The following DRC11 variants were observed in gnomAD, a reference collection of about 807,000 sequenced individuals.
DRC11 encodes the protein dynein regulatory complex subunit 11.
chr2:236,458,283 C>T, the DRC11 span, among the ~76,000 whole-genome samples: 4 of 152,180 alleles, frequency 2.6e-5, no homozygotes, highest in Non-Finnish European at 5.9e-5. Context: ...TCAAATTGTT[C>T]ATCCAGTACA....
At chr2:236,411,416 G>A in the DRC11 span, among the ~76,000 whole-genome samples, 1 of 150,712 alleles carries the variant, frequency 6.6e-6, no homozygotes, top group Non-Finnish European at 1.5e-5. Flanking sequence ...GAGAGGATGT[G>A]GAGAAATAGG....
chr2:236,341,726 C>A, the DRC11 span, among the ~76,000 whole-genome samples: 1 of 152,210 alleles, frequency 6.6e-6, no homozygotes, highest in Non-Finnish European at 1.5e-5. Flanking sequence ...TGGTTTCCCC[C>A]CCATGTCTTC....
chr2:236,400,436 C>T, the DRC11 span, among the ~76,000 whole-genome samples: 5 of 152,236 alleles, frequency 3.3e-5, no homozygotes, highest in Admixed American at 6.5e-5. The surrounding 1 kb of genome is among the most constrained non-coding windows in gnomAD (Gnocchi z 7.9). Flanking sequence ...GCCCCTCTGC[C>T]GCCAGGGTTC....
the DRC11 span, among the ~76,000 whole-genome samples, chr2:236,339,592 G>A: frequency 9.9e-5 from 15 of 152,138 alleles, no homozygotes; most frequent in Non-Finnish European, 1.5e-5. Flanking sequence ...TGTATATGGC[G>A]TGAGGTAAGG....
At chr2:236,470,348 T>C in the DRC11 span, among the ~76,000 whole-genome samples, 2 of 152,114 alleles carry the variant, frequency 1.3e-5, no homozygotes, top group East Asian at 3.9e-4. This position sits in a 1 kb window ranked among gnomAD's most constrained non-coding sequence, Gnocchi z 5.1. Context: ...AGGAGCAGGG[T>C]AGACATCTAT....
At chr2:236,315,087 TAGAC>T in the DRC11 span, among the ~76,000 whole-genome samples, 8 of 152,360 alleles carry the variant, frequency 5.3e-5, no homozygotes, top group Admixed American at 1.3e-4. This position sits in a 1 kb window ranked among gnomAD's most constrained non-coding sequence, Gnocchi z 5.1. Flanking sequence ...GGCAGAATGA[TAGAC>T]AGATGCAGTA....
chr2:236,318,075 C>T, the DRC11 span, among the ~76,000 whole-genome samples: 1 of 152,332 alleles, frequency 6.6e-6, no homozygotes, highest in Middle Eastern at 3.4e-3. This position sits in a 1 kb window ranked among gnomAD's most constrained non-coding sequence, Gnocchi z 7.0. Flanking sequence ...GCGCTTCTGG[C>T]CTGTTGCCAG....
chr2:236,396,063 G>A, the DRC11 span, among the ~76,000 whole-genome samples: 9 of 151,910 alleles, frequency 5.9e-5, no homozygotes, highest in Non-Finnish European at 8.8e-5. Flanking sequence ...CCTCTAGATC[G>A]TTTAAATGGA....
At chr2:236,492,216 G>C in the DRC11 span, among the ~76,000 whole-genome samples, 1 of 152,342 alleles carries the variant, frequency 6.6e-6, no homozygotes, top group Admixed American at 6.5e-5. Flanking sequence ...GACTAAGCCA[G>C]TATGTCAGGA....
chr2:236,504,319 A>G, the DRC11 span, among the ~76,000 whole-genome samples: 1 of 152,278 alleles, frequency 6.6e-6, no homozygotes, highest in Non-Finnish European at 1.5e-5. This position sits in a 1 kb window ranked among gnomAD's most constrained non-coding sequence, Gnocchi z 5.0. Flanking sequence ...TTGTACAGAT[A>G]CACCACATTT....
At chr2:236,420,626 T>C in the DRC11 span, among the ~76,000 whole-genome samples, 3 of 152,048 alleles carry the variant, frequency 2.0e-5, no homozygotes, top group African/African-American at 7.2e-5. This position sits in a 1 kb window ranked among gnomAD's most constrained non-coding sequence, Gnocchi z 4.8. Flanking sequence ...GGCAACATGA[T>C]GAAACCCCAT....
At chr2:236,493,346 C>T in the DRC11 span, among the ~76,000 whole-genome samples, 1 of 152,154 alleles carries the variant, frequency 6.6e-6, no homozygotes, top group African/African-American at 2.4e-5. Flanking sequence ...ACCATATCTA[C>T]TCAACCTGCA....
chr2:236,491,142 G>GTATATATA, the DRC11 span, among the ~76,000 whole-genome samples: 1 of 39,352 alleles, frequency 2.5e-5, no homozygotes, highest in Admixed American at 3.5e-4. Flanking sequence ...TATATATACA[G>GTATATATA]TATATATATA....
chr2:236,312,157 G>T, the DRC11 span, among the ~76,000 whole-genome samples: 1 of 152,092 alleles, frequency 6.6e-6, no homozygotes, highest in African/African-American at 2.4e-5. Context: ...TAAGGATTTA[G>T]TACAAAAATT....
At chr2:236,357,738 T>C in the DRC11 span, among the ~76,000 whole-genome samples, 1 of 126,772 alleles carries the variant, frequency 7.9e-6, no homozygotes, top group Non-Finnish European at 1.5e-5. Flanking sequence ...AATATACATA[T>C]AATATGTAAA....
At chr2:236,485,118 G>C in the DRC11 span, among the ~76,000 whole-genome samples, 1 of 152,054 alleles carries the variant, frequency 6.6e-6, no homozygotes, top group Non-Finnish European at 1.5e-5. Context: ...TCCCTAGACA[G>C]TTTTCTCTCT....
the DRC11 span, among the ~76,000 whole-genome samples, chr2:236,399,097 C>T: frequency 2.0e-5 from 3 of 151,764 alleles, no homozygotes; most frequent in Non-Finnish European, 4.4e-5. This position sits in a 1 kb window ranked among gnomAD's most constrained non-coding sequence, Gnocchi z 7.0. Context: ...TCAAGTGATT[C>T]TCCTGCTTCA....
At chr2:236,486,827 A>G in the DRC11 span, 2 of 1,605,312 alleles carry the variant, frequency 1.2e-6, no homozygotes, top group African/African-American at 1.3e-5. The surrounding 1 kb of genome is among the most constrained non-coding windows in gnomAD (Gnocchi z 5.7). Flanking sequence ...AAAAAAACTT[A>G]CCATACCCAG....
the DRC11 span, among the ~76,000 whole-genome samples, chr2:236,394,505 C>T: frequency 1.3e-5 from 2 of 152,034 alleles, no homozygotes; most frequent in African/African-American, 4.8e-5. The surrounding 1 kb of genome is among the most constrained non-coding windows in gnomAD (Gnocchi z 7.0). Flanking sequence ...GTGGCGTGCA[C>T]CTGAAATCCC....
Sources: allele counts gnomAD v4.1 joint callset (sites outside exome capture counted in the v4.1 genomes callset), GRCh38; gene constraint gnomAD v4.1.1; non-coding constraint Gnocchi (gnomAD v3.1); transcripts MANE v1.5; gene names NCBI Gene and HGNC (gene_info 2026-07-23, HGNC 2026-07-21).